LY86: variants seen among roughly 807,000 people sequenced by gnomAD.
LY86 encodes MD-1, RP105-associated.
A neutral mutation model predicts 17.3 loss-of-function variants in LY86; 20 were observed. The observed-to-expected ratio is 1.15, with a 90% CI of 0.81 to 1.68. The LOEUF is 1.68. LY86 is among the 40% of genes most tolerant of loss of function. LY86 has a pLI of 0.00. For missense variants in LY86, 200 were observed against 191.9 expected (o/e 1.04, Z -0.25); for synonymous variants, 74 against 70.6 (o/e 1.05, Z -0.24).
At chr6:6,605,793 C>T (rs115196068) in intron 1 of LY86, among the ~76,000 whole-genome samples, 15,185 of 152,134 alleles carry the variant, frequency 0.1, 2,146 homozygotes, top group African/African-American at 0.32. Flanking sequence ...TCAGTTTCTT[C>T]CTTTTGGTGG....
At chr6:6,605,137 C>T (rs1275444581) in intron 1 of LY86, among the ~76,000 whole-genome samples, 1 of 151,226 alleles carries the variant, frequency 6.6e-6, no homozygotes, top group Non-Finnish European at 1.5e-5. Flanking sequence ...AATGGAATGA[C>T]AAGCAAAGTA....
At chr6:6,613,794 C>T (rs920469559) in intron 1 of LY86, among the ~76,000 whole-genome samples, 1 of 152,236 alleles carries the variant, frequency 6.6e-6, no homozygotes, top group Non-Finnish European at 1.5e-5. Flanking sequence ...AGCATGCTGT[C>T]ACCTCTCAAT....
At chr6:6,611,538 A>G (rs546664689) in intron 1 of LY86, among the ~76,000 whole-genome samples, 1 of 152,348 alleles carries the variant, frequency 6.6e-6, no homozygotes, top group African/African-American at 2.4e-5. Flanking sequence ...TTGGAAATAT[A>G]TAGGAATATA....
At chr6:6,646,447 A>G (rs1180747745) in intron 3 of LY86, among the ~76,000 whole-genome samples, 1 of 152,152 alleles carries the variant, frequency 6.6e-6, no homozygotes, top group African/African-American at 2.4e-5. Context: ...AAGCACCATG[A>G]TGTCTCAGTT....
chr6:6,609,751 G>T (rs1240197782), intron 1 of LY86, among the ~76,000 whole-genome samples: 1 of 152,076 alleles, frequency 6.6e-6, no homozygotes, highest in African/African-American at 2.4e-5. Context: ...ATGTAGGAAG[G>T]CCAGGGAGAA....
chr6:6,606,866 G>A (rs1401279544), intron 1 of LY86, among the ~76,000 whole-genome samples: 4 of 152,272 alleles, frequency 2.6e-5, no homozygotes, highest in Admixed American at 6.5e-5. Flanking sequence ...CCCAGAAAGG[G>A]GCTCCCACAG....
intron 3 of LY86, among the ~76,000 whole-genome samples, chr6:6,635,514 G>A (rs1464283304): frequency 6.6e-6 from 1 of 152,052 alleles, no homozygotes; most frequent in Non-Finnish European, 1.5e-5. Flanking sequence ...AGGTAATTGA[G>A]ACTGCAGAAA....
At chr6:6,612,531 A>G (rs988216304) in intron 1 of LY86, among the ~76,000 whole-genome samples, 2 of 152,200 alleles carry the variant, frequency 1.3e-5, no homozygotes, top group African/African-American at 2.4e-5. Flanking sequence ...GAACAAACCA[A>G]CCACACAAAA....
At chr6:6,603,393 A>C (rs998453940) in intron 1 of LY86, among the ~76,000 whole-genome samples, 1 of 151,972 alleles carries the variant, frequency 6.6e-6, no homozygotes, top group African/African-American at 2.4e-5. Flanking sequence ...ACATCTAAGG[A>C]AACTGTATGG....
intron 1 of LY86, among the ~76,000 whole-genome samples, chr6:6,595,288 G>A (rs1236214002): frequency 6.7e-6 from 1 of 148,478 alleles, no homozygotes; most frequent in Non-Finnish European, 1.5e-5. Context: ...GGAAGAGGTG[G>A]GGAAGAAGAG....
chr6:6,605,074 AAG>A (rs897081479), intron 1 of LY86, among the ~76,000 whole-genome samples: 1 of 151,962 alleles, frequency 6.6e-6, no homozygotes, highest in Non-Finnish European at 1.5e-5. Flanking sequence ...CTCTCACTAA[AAG>A]AACTTTAAAG....
At chr6:6,607,552 G>A (rs1024138166) in intron 1 of LY86, among the ~76,000 whole-genome samples, 4 of 152,136 alleles carry the variant, frequency 2.6e-5, no homozygotes, top group Non-Finnish European at 5.9e-5. Flanking sequence ...TGGAAAGAAG[G>A]GAGGAAAGGC....
intron 3 of LY86, 79 bp downstream of exon 3, chr6:6,626,500 C>T: frequency 6.6e-7 from 1 of 1,526,488 alleles, no homozygotes; most frequent in Non-Finnish European, 8.9e-7. Context: ...GCCAGGACGC[C>T]CAGACCAGAG....
intron 1 of LY86, among the ~76,000 whole-genome samples, chr6:6,614,145 A>T (rs1167075287): frequency 1.3e-5 from 2 of 152,160 alleles, no homozygotes; most frequent in Non-Finnish European, 2.9e-5. Context: ...TCCATCTCCA[A>T]AAGTCACGGT....
At chr6:6,614,984 C>G (rs975413750) in intron 1 of LY86, among the ~76,000 whole-genome samples, 2 of 152,202 alleles carry the variant, frequency 1.3e-5, no homozygotes, top group Admixed American at 6.5e-5. Context: ...CCTCTTAACG[C>G]TTCATAAATT....
intron 1 of LY86, among the ~76,000 whole-genome samples, chr6:6,617,758 G>T (rs1761587722): frequency 6.6e-6 from 1 of 152,140 alleles, no homozygotes; most frequent in South Asian, 2.1e-4. Flanking sequence ...TATGCTATGT[G>T]GCGCCATGGC....
chr6:6,628,593 A>T (rs1243495708), intron 3 of LY86, among the ~76,000 whole-genome samples: 2 of 151,826 alleles, frequency 1.3e-5, no homozygotes, highest in East Asian at 3.9e-4. Flanking sequence ...TCTAGCCCCA[A>T]CAGATGAAGT....
intron 4 of LY86, 130 bp downstream of exon 4, chr6:6,649,807 C>T (rs1762160532): frequency 1.5e-6 from 1 of 660,074 alleles, no homozygotes; most frequent in Non-Finnish European, 2.6e-6. Context: ...AAAACTTATC[C>T]ATAGGCCATC....
chr6:6,618,474 A>T (rs1761603995), intron 1 of LY86, among the ~76,000 whole-genome samples: 1 of 151,984 alleles, frequency 6.6e-6, no homozygotes, highest in Non-Finnish European at 1.5e-5. Context: ...AGGGATCCAG[A>T]ATTTTGAGTT....
Sources: gnomAD v4.1 joint callset for allele counts (sites outside exome capture counted in the v4.1 genomes callset) on GRCh38, gnomAD v4.1.1 for gene constraint, MANE v1.5 for transcripts, NCBI Gene and HGNC (gene_info 2026-07-23, HGNC 2026-07-21) for gene names.